Variants in NEBL observed in about 807,000 individuals in gnomAD.
NEBL encodes the protein nebulette, also known as LIM and SH3 protein 2.
In NEBL, 122 loss-of-function variants were observed where a neutral mutation model predicts 140.2. The observed-to-expected ratio is 0.87, with a 90% CI of 0.75 to 1.01. The LOEUF is 1.01. NEBL is among the 50% of genes least tolerant of loss of function. The pLI, the probability that NEBL is intolerant of heterozygous loss-of-function variation, is 0.00. For synonymous variants in NEBL, 436 were observed against 398.9 expected (o/e 1.09, Z -1.11); for missense variants, 1,365 against 1,231.3 (o/e 1.11, Z -1.62).
Position 20,897,163 on chromosome 10 carries a change from C to T in NEBL, c.43G>A (p.Glu15Lys). 1 of 1,606,680 alleles carries T rather than the reference C, an allele frequency of 6.2e-7. No homozygotes were observed. Among genetic ancestry groups the T allele is most frequent in the South Asian group, 1.1e-5 (1 of 90,790 alleles). ...TTTTCTTCTTCCCCTATCTTTTCTT[C>T]TTCAGTTTCATCTTTTATATCCTCA... Reference protein sequence around the residue: ...VFEDIKDETEEEKIGEEENEE... With the variant: ...VFEDIKDETEKEKIGEEENEE... The change falls in exon 1 of 28, where the codon GAA (glutamate) becomes AAA (lysine). Residue 15 changes from glutamate to lysine, a missense_variant. Around this residue, in one of 2 missense-constraint regions of NEBL, gnomAD observed 1,323 missense variants for 1,154.8 expected, o/e 1.15. Coordinates refer to ENST00000377122, the MANE Select transcript of NEBL (RefSeq NM_006393.3).
chr10:20,878,784 C>G (rs1032600513), intron 5 of NEBL, among the ~76,000 whole-genome samples: 5 of 152,184 alleles, frequency 3.3e-5, no homozygotes, highest in Non-Finnish European at 7.3e-5. Flanking sequence ...ACAGCCTTCT[C>G]CCATAAGTAC....
At chr10:21,272,225 A>G (rs1588586248) in intron 1 of NEBL, among the ~76,000 whole-genome samples, 1 of 147,058 alleles carries the variant, frequency 6.8e-6, no homozygotes, top group Admixed American at 7.0e-5. Flanking sequence ...TCGGCCTCCC[A>G]AAGTGCTGGA....
chr10:21,002,075 T>C (rs1405017485), intron 3 of NEBL, among the ~76,000 whole-genome samples: 2 of 152,148 alleles, frequency 1.3e-5, no homozygotes, highest in African/African-American at 4.8e-5. Context: ...AGATGAAAGG[T>C]ACTCGCTCGA....
intron 2 of NEBL, among the ~76,000 whole-genome samples, chr10:21,061,458 G>GATATATGATATATCATATATTACATC (rs1249717956): frequency 4.6e-4 from 68 of 146,322 alleles, no homozygotes; most frequent in East Asian, 1.0e-3. Context: ...TATATTACAT[G>GATATATGATATATCATATATTACATC]ATATATGATA....
At chr10:21,252,571 T>C (rs549497562) in intron 1 of NEBL, among the ~76,000 whole-genome samples, 4 of 152,200 alleles carry the variant, frequency 2.6e-5, no homozygotes, top group Admixed American at 2.6e-4. Flanking sequence ...GTTTTTAAAA[T>C]GCACAACCTT....
chr10:21,145,023 T>C (rs1839828491), intron 2 of NEBL, among the ~76,000 whole-genome samples: 2 of 144,206 alleles, frequency 1.4e-5, no homozygotes, highest in Non-Finnish European at 3.1e-5. Flanking sequence ...ACCACAGAAG[T>C]AAAAATGGCA....
Position 20,783,632 on chromosome 10 carries a change from A to T in NEBL, c.*2115T>A, listed in dbSNP as rs1326138101. 1 of 152,498 alleles carries T rather than the reference A, an allele frequency of 6.6e-6. No individual in the cohort carries two copies. Among genetic ancestry groups the T allele is most frequent in the African/African-American group, 2.4e-5 (1 of 41,340 alleles). The allele number at this position is 152,498 out of a possible 1,614,324, so 9.4% of individuals were successfully genotyped here. On this transcript the variant is annotated 3_prime_UTR_variant, in exon 28 of 28. Transcript: ENST00000377122. ...TGTCCTATATTTAGTCTGAAAATTT[A>T]ATCAACAACTACTCTTTCTTATAAT...
chr10:20,809,891 T>C lies in NEBL; in HGVS notation c.2526A>G (p.Lys842=), dbSNP rs1837963485. Residue 842 remains lysine, a synonymous_variant, in exon 25 of 28, where the codon AAA becomes AAG. Coordinates refer to ENST00000377122, the MANE Select transcript of NEBL (RefSeq NM_006393.3). The stretch of plus-strand genomic sequence containing the variant: ...TGGAGCCAGGATCTGTGCGCCAAAC[T>C]TTGAGGTCTTTTGCCAAAAGGAAGA... ...DRRPGIIVDL[K]VWRTDPGSIF... 1.2e-6 allele frequency: 2 copies of C among 1,611,610 alleles called. No homozygotes were observed. Among genetic ancestry groups the C allele is most frequent in the African/African-American group, 1.3e-5 (1 of 74,432 alleles).
chr10:21,002,544 G>A lies in NEBL; in HGVS notation c.249+17573C>T, dbSNP rs192092240. Among the ~76,000 whole-genome samples the A allele has an allele frequency of 8.4e-4, 128 of 152,182 alleles. 1 individual carries two copies. The highest frequency in any genetic ancestry group is 6.8e-3 in the Middle Eastern group (2 of 294). On this transcript the variant is annotated intron_variant, in intron 3 of 6. Transcript: ENST00000417816. ...TCACGCTGCTATAAAGAACTGAGAC[G>A]GGGTAATTTATAAAGACAAGAGGTT...
chr10:21,052,164 C>T (rs562619924), intron 2 of NEBL, among the ~76,000 whole-genome samples: 2 of 152,078 alleles, frequency 1.3e-5, no homozygotes, highest in African/African-American at 4.8e-5. Flanking sequence ...GCGCTTTTTC[C>T]TTCAGAAGGA....
chr10:21,287,470 A>ACAC (rs1843072683), intron 1 of NEBL, among the ~76,000 whole-genome samples: 1 of 152,186 alleles, frequency 6.6e-6, no homozygotes, highest in Admixed American at 6.6e-5. Context: ...AGGGAGGTGG[A>ACAC]GGTTGCAGTG....
intron 16 of NEBL, 87 bp from the exon 17 acceptor site, chr10:20,828,721 GGAGA>G (rs146479748): frequency 1.2e-6 from 1 of 843,814 alleles, no homozygotes; most frequent in Non-Finnish European, 1.9e-6. Flanking sequence ...AAGGAGGAAG[GGAGA>G]GAGAGAGAGT....
chr10:21,062,758 C>T (rs906612818), intron 2 of NEBL, among the ~76,000 whole-genome samples: 5 of 152,058 alleles, frequency 3.3e-5, no homozygotes, highest in African/African-American at 1.2e-4. Flanking sequence ...ATGAGATCAA[C>T]CCTCTCAGTT....
chr10:21,289,082 C>T (rs578087652), intron 1 of NEBL, among the ~76,000 whole-genome samples: 6 of 151,432 alleles, frequency 4.0e-5, no homozygotes, highest in African/African-American at 7.3e-5. Flanking sequence ...CTCCTGATCT[C>T]GTGATCCACC....
rs1002230475 is a variant in NEBL at position 20,869,851 on chromosome 10, G to T, written c.481-10C>A. Reference sequence around the variant, plus strand: ...CTTTCCTATAAGAAATCTGATCAGAGACAGTTTTGGTTAAAAAATAAATAA... The same window carrying T: ...CTTTCCTATAAGAAATCTGATCAGATACAGTTTTGGTTAAAAAATAAATAA... On this transcript the variant is annotated splice_polypyrimidine_tract_variant and intron_variant, in intron 5 of 27. Transcript: ENST00000377122. The T allele has an allele frequency of 1.9e-6, 3 of 1,546,176 alleles. No homozygotes were observed.
intron 2 of NEBL, among the ~76,000 whole-genome samples, chr10:21,131,275 G>A (rs764085839): frequency 1.4e-4 from 22 of 152,094 alleles, no homozygotes; most frequent in Admixed American, 4.6e-4. Context: ...AAAGCACAAG[G>A]CCTAGATTAG....
chr10:21,213,967 C>T (rs61623143), intron 3 of NEBL, among the ~76,000 whole-genome samples: 4,215 of 152,146 alleles, frequency 0.028, 92 homozygotes, highest in Non-Finnish European at 0.031. Flanking sequence ...TAAGTATCGG[C>T]TGGTAAAGGG....
chr10:20,957,802 T>C (rs1456124528), intron 4 of NEBL, among the ~76,000 whole-genome samples: 4 of 152,228 alleles, frequency 2.6e-5, no homozygotes, highest in African/African-American at 7.2e-5. Flanking sequence ...CTTCATTTGA[T>C]ATTTCTCTTC....
At chr10:20,855,918 T>C (rs1403099695) in intron 9 of NEBL, among the ~76,000 whole-genome samples, 1 of 152,230 alleles carries the variant, frequency 6.6e-6, no homozygotes, top group African/African-American at 2.4e-5. Context: ...AATCTTTTAA[T>C]TTATAAATCA....
Sources: gnomAD v4.1 joint callset for allele counts (sites outside exome capture counted in the v4.1 genomes callset) on GRCh38, gnomAD v4.1.1 for gene constraint, gnomAD v4.1.1 regional missense constraint, MANE v1.5 for transcripts, NCBI Gene and HGNC (gene_info 2026-07-23, HGNC 2026-07-21) for gene names.